CAST: variants seen among roughly 807,000 people sequenced by gnomAD.
CAST encodes the protein MIR583 host.
CAST carries 76 observed loss-of-function variants against 119.6 expected under a neutral mutation model. The observed-to-expected ratio is 0.64, with a 90% CI of 0.53 to 0.77. The LOEUF is 0.77. Ranked by LOEUF, CAST falls within the 30% of genes least tolerant of loss-of-function variation. CAST has a pLI of 0.00. For missense variants in CAST, 953 were observed against 946.5 expected, an observed-to-expected ratio of 1.01 and a Z score of -0.09; for synonymous variants, 319 against 331.6, an observed-to-expected ratio of 0.96 and a Z score of 0.41.
chr5:96,745,466 A>G (rs1324882187), intron 16 of CAST, among the ~76,000 whole-genome samples: 1 of 152,216 alleles, frequency 6.6e-6, no homozygotes, highest in Non-Finnish European at 1.5e-5. Flanking sequence ...TTTAAATGTT[A>G]CTAATTACAA....
chr5:96,277,048 T>C, the CAST span, among the ~76,000 whole-genome samples: 1 of 152,382 alleles, frequency 6.6e-6, no homozygotes, highest in African/African-American at 2.4e-5. Context: ...TAGTATTCCA[T>C]TGTATAAATA....
the CAST span, among the ~76,000 whole-genome samples, chr5:96,075,861 A>G: frequency 6.6e-6 from 1 of 152,208 alleles, no homozygotes. Flanking sequence ...CAAAATTTAA[A>G]TAAAATAATT....
the CAST span, chr5:96,433,168 C>T: frequency 1.1e-6 from 1 of 907,740 alleles, no homozygotes; most frequent in Non-Finnish European, 1.8e-6. Context: ...CCTGGTTGCT[C>T]TGCGAAGAGC....
intron 1 of CAST, among the ~76,000 whole-genome samples, chr5:96,663,614 A>G (rs1481635123): frequency 5.9e-5 from 9 of 152,144 alleles, no homozygotes; most frequent in Non-Finnish European, 1.3e-4. Context: ...CGCCGACGCA[A>G]AGGAGAGGCA....
intron 3 of CAST, among the ~76,000 whole-genome samples, chr5:96,718,849 A>C (rs1257157906): frequency 6.6e-6 from 1 of 152,104 alleles, no homozygotes; most frequent in African/African-American, 2.4e-5. Context: ...GGGGTGGAGA[A>C]GGGAAGGAAG....
the CAST span, among the ~76,000 whole-genome samples, chr5:96,049,483 C>T: frequency 2.0e-4 from 30 of 151,994 alleles, no homozygotes; most frequent in Non-Finnish European, 4.1e-4. Context: ...AAATAGATGG[C>T]AGTGATGTTA....
chr5:96,410,124 A>T, the CAST span, among the ~76,000 whole-genome samples: 2 of 152,112 alleles, frequency 1.3e-5, no homozygotes, highest in Non-Finnish European at 2.9e-5. Context: ...AAGCCCCTAA[A>T]TGCCCCTCCA....
chr5:96,107,172 T>C, the CAST span, among the ~76,000 whole-genome samples: 1 of 152,048 alleles, frequency 6.6e-6, no homozygotes, highest in Admixed American at 6.6e-5. Context: ...CTTGACTCTT[T>C]ATCCAATTTG....
chr5:96,742,998 A>G lies in CAST; in HGVS notation c.1200+242A>G, dbSNP rs1559085. Among the ~76,000 whole-genome samples the G allele has an allele frequency of 0.094, 14,316 of 152,280 alleles. 879 individuals are homozygous for G. The highest frequency in any genetic ancestry group is 0.15 in the Middle Eastern group (45 of 292). ...ACGAATCTCCCTTGCTAGAGCTTAA[A>G]TGACCCTTGACTAAACAAGGTAACA... On this transcript the variant is annotated intron_variant, in intron 16 of 31. Coordinates refer to ENST00000675179, the MANE Select transcript of CAST (RefSeq NM_001750.7).
At chr5:96,594,099 T>G (rs2150192379) in intron 1 of CAST, among the ~76,000 whole-genome samples, 1 of 152,370 alleles carries the variant, frequency 6.6e-6, no homozygotes, top group South Asian at 2.1e-4. Flanking sequence ...GAGGAAGCAG[T>G]GGCACTTGCA....
the CAST span, among the ~76,000 whole-genome samples, chr5:96,125,128 A>G: frequency 3.3e-4 from 51 of 152,330 alleles, no homozygotes; most frequent in South Asian, 6.2e-4. Flanking sequence ...CTCTGATTCT[A>G]TGTAGATTAT....
chr5:96,350,844 G>A, the CAST span, among the ~76,000 whole-genome samples: 7 of 152,054 alleles, frequency 4.6e-5, no homozygotes, highest in Admixed American at 6.6e-5. Flanking sequence ...ACACAACTGC[G>A]TAATTATCAT....
At chr5:95,975,789 A>G in the CAST span, among the ~76,000 whole-genome samples, 8 of 152,188 alleles carry the variant, frequency 5.3e-5, no homozygotes, top group Non-Finnish European at 1.0e-4. Flanking sequence ...TAGACCAGGC[A>G]TGGTCTACCT....
chr5:96,486,371 T>C, the CAST span, among the ~76,000 whole-genome samples: 1 of 152,114 alleles, frequency 6.6e-6, no homozygotes, highest in Non-Finnish European at 1.5e-5. Context: ...GAAACAGTTG[T>C]CATCTGCCAT....
chr5:96,167,453 T>G, the CAST span, among the ~76,000 whole-genome samples: 1 of 152,222 alleles, frequency 6.6e-6, no homozygotes, highest in South Asian at 2.1e-4. Flanking sequence ...GGAGTGTCCA[T>G]GCAGGAGCTC....
At chr5:96,142,235 C>T in the CAST span, among the ~76,000 whole-genome samples, 2 of 152,050 alleles carry the variant, frequency 1.3e-5, no homozygotes, top group African/African-American at 2.4e-5. Context: ...CATGGTGAAA[C>T]CCCGTCTCTA....
At chr5:96,007,481 A>G in the CAST span, among the ~76,000 whole-genome samples, 1 of 152,158 alleles carries the variant, frequency 6.6e-6, no homozygotes, top group Non-Finnish European at 1.5e-5. Flanking sequence ...TCTCCCTAAC[A>G]TTGCTATATT....
chr5:96,316,474 G>A, the CAST span, among the ~76,000 whole-genome samples: 1 of 152,182 alleles, frequency 6.6e-6, no homozygotes, highest in African/African-American at 2.4e-5. Flanking sequence ...ACCACAATAA[G>A]ATGTGCAAAC....
At chr5:96,687,450 A>G (rs1251915821) in intron 2 of CAST, among the ~76,000 whole-genome samples, 1 of 152,240 alleles carries the variant, frequency 6.6e-6, no homozygotes, top group African/African-American at 2.4e-5. Context: ...TTATTGATAA[A>G]TGAATTCATT....
Sources: gnomAD v4.1 joint callset for allele counts (sites outside exome capture counted in the v4.1 genomes callset) on GRCh38, gnomAD v4.1.1 for gene constraint, MANE v1.5 for transcripts, NCBI Gene and HGNC (gene_info 2026-07-23, HGNC 2026-07-21) for gene names.